PRDM11: variants seen among roughly 807,000 people sequenced by gnomAD.
PRDM11 encodes PR domain-containing protein 11.
PRDM11 carries 20 observed loss-of-function variants against 97.8 expected under a neutral mutation model. The ratio of observed to expected loss-of-function variants is 0.20; its 90% CI spans 0.14 to 0.30. The LOEUF is 0.30. Among genes scored for constraint, PRDM11 ranks in the 10% least tolerant of loss-of-function variants. PRDM11 has a pLI of 1.00. For synonymous variants in PRDM11, 599 were observed against 637.7 expected, an observed-to-expected ratio of 0.94 and a Z score of 0.91; for missense variants, 1,139 against 1,555.2, an observed-to-expected ratio of 0.73 and a Z score of 4.50.
At chr11:45,112,473 C>A (rs114388726) in intron 1 of PRDM11, among the ~76,000 whole-genome samples, 1,713 of 152,300 alleles carry the variant, frequency 0.011, 28 homozygotes, top group African/African-American at 0.04. Context: ...ATTGCTAGAT[C>A]AAATGGTAGT....
Position 45,233,327 on chromosome 11 carries a change from T to G in PRDM11, c.*5168T>G, listed in dbSNP as rs1392036057. 6.6e-6 allele frequency: 1 copy of G among 152,042 alleles called. No homozygotes were observed. Among genetic ancestry groups the G allele is most frequent in the Non-Finnish European group, 1.5e-5 (1 of 68,010 alleles). The allele number at this position is 152,042 out of a possible 1,614,324, so 9.4% of individuals were successfully genotyped here. ...GGAGAGTGGCTGGGTCCCGGCTCGC[T>G]CCATGCACTTTCTCTCCTTTTCCAC... On this transcript the variant is annotated 3_prime_UTR_variant, in exon 8 of 8. Coordinates refer to ENST00000683152, the MANE Select transcript of PRDM11 (RefSeq NM_001384648.1).
chr11:45,147,780 G>A (rs1179756635), intron 1 of PRDM11, among the ~76,000 whole-genome samples: 1 of 152,206 alleles, frequency 6.6e-6, no homozygotes, highest in Admixed American at 6.5e-5. Context: ...GGATTTAGGG[G>A]AGAAAAATGT....
Position 45,228,176 on chromosome 11 carries a change from A to G in PRDM11, c.*17A>G. 1 of 1,492,980 alleles carries G rather than the reference A, an allele frequency of 6.7e-7. No homozygotes were observed. The allele number at this position is 1,492,980 out of a possible 1,614,324, so 92.5% of individuals were successfully genotyped here. ...GACATTTAGGGAGCTGGCGCTGCAG[A>G]GTTCACTAAGCTGTTGAATATTTTT... On this transcript the variant is annotated 3_prime_UTR_variant, in exon 8 of 8. Transcript: ENST00000683152.
chr11:45,137,722 T>C (rs1852902118), intron 1 of PRDM11, among the ~76,000 whole-genome samples: 2 of 152,206 alleles, frequency 1.3e-5, no homozygotes, highest in Admixed American at 6.5e-5. Context: ...CAATCCAGCC[T>C]GGGTGACACA....
At position 45,232,376 on chromosome 11, in the gene PRDM11, A is replaced by G. The variant is rs1029184023; in HGVS notation, c.*4217A>G. On this transcript the variant is annotated 3_prime_UTR_variant, in exon 8 of 8. Coordinates refer to ENST00000683152, the MANE Select transcript of PRDM11 (RefSeq NM_001384648.1). Reference sequence around the variant, plus strand: ...CATTTTCCTTCTACCCCCTCTAGGAATGGGAGTTCTAGACCTAGGTCTGCT... The same window carrying G: ...CATTTTCCTTCTACCCCCTCTAGGAGTGGGAGTTCTAGACCTAGGTCTGCT... The G allele has an allele frequency of 2.6e-5, 4 of 152,234 alleles. No homozygotes were observed. The highest frequency in any genetic ancestry group is 7.2e-5 in the African/African-American group (3 of 41,436). 9.4% of individuals were successfully genotyped at this position (152,234 alleles called of 1,614,324 possible).
At chr11:45,123,170 C>G (rs1421213535) in intron 1 of PRDM11, among the ~76,000 whole-genome samples, 4 of 152,032 alleles carry the variant, frequency 2.6e-5, no homozygotes, top group Non-Finnish European at 4.4e-5. Context: ...CATATCCTCC[C>G]CCCACTTTTT....
At chr11:45,139,897 AAG>A (rs1852963793) in intron 1 of PRDM11, among the ~76,000 whole-genome samples, 1 of 152,146 alleles carries the variant, frequency 6.6e-6, no homozygotes, top group Admixed American at 6.5e-5. Flanking sequence ...AGTTCAGGGA[AAG>A]AGAGAGAAAC....
Position 45,178,908 on chromosome 11 carries a change from G to A in PRDM11, c.-6-2853G>A, listed in dbSNP as rs77274276. On this transcript the variant is annotated intron_variant, in intron 1 of 7. Coordinates refer to ENST00000683152, the MANE Select transcript of PRDM11 (RefSeq NM_001384648.1). ...TCGGGGAGCTTACAGTCTATTAAGG[G>A]AAACAGATATTAATCAAGTAATCCT... 7.4e-3 allele frequency among the ~76,000 whole-genome samples: 1,131 copies of A among 152,302 alleles called. 9 individuals carry two copies. The highest frequency in any genetic ancestry group is 0.026 in the African/African-American group (1,086 of 41,556).
At chr11:45,106,468 T>G (rs1852063630) in intron 1 of PRDM11, among the ~76,000 whole-genome samples, 1 of 152,156 alleles carries the variant, frequency 6.6e-6, no homozygotes, top group South Asian at 2.1e-4. Context: ...ACTGCTATGC[T>G]ACAAACCACC....
chr11:45,208,897 G>A (rs1362083285), intron 5 of PRDM11: 9 of 453,656 alleles, frequency 2.0e-5, no homozygotes, highest in South Asian at 4.7e-5. Context: ...CTGGCTGAGC[G>A]TAAGAGGAAG....
intron 5 of PRDM11, among the ~76,000 whole-genome samples, chr11:45,206,639 G>A (rs140162778): frequency 5.3e-4 from 80 of 152,344 alleles, no homozygotes; most frequent in African/African-American, 1.9e-3. Flanking sequence ...AAAAAGGGGA[G>A]CTATCATCCA....
At chr11:45,154,941 T>G (rs1383820688) in intron 1 of PRDM11, among the ~76,000 whole-genome samples, 1 of 152,060 alleles carries the variant, frequency 6.6e-6, no homozygotes, top group East Asian at 1.9e-4. Flanking sequence ...CCAGAGAGTG[T>G]TGTTGTAGCC....
intron 1 of PRDM11, 126 bp downstream of exon 1, chr11:45,147,003 C>T (rs1467013679): frequency 2.3e-5 from 3 of 132,916 alleles, no homozygotes; most frequent in Non-Finnish European, 3.3e-5. Flanking sequence ...CGGGGGCGGC[C>T]GGGGGTCTCG....
rs1472544891 is a variant in PRDM11, at chr11:45,219,752, C to T, written c.737C>T (p.Ala246Val). Reference sequence around the variant, plus strand: ...CAGGAAACCATTCACCGCAACCTGGCCAGAGGTGAGTGCCATGCTCCACAT... The same window carrying T: ...CAGGAAACCATTCACCGCAACCTGGTCAGAGGTGAGTGCCATGCTCCACAT... ...MSQETIHRNL[A>V]RGEKRLQREK... Residue 246 changes from alanine to valine, a missense_variant, in exon 6 of 8, where the codon GCC becomes GTC. This residue lies in a region of PRDM11 where 429 missense variants were observed against 510.3 expected (regional missense o/e 0.84). Coordinates refer to ENST00000683152, the MANE Select transcript of PRDM11 (RefSeq NM_001384648.1). This position sits in a 1 kb window ranked among gnomAD's most constrained non-coding sequence, Gnocchi z 4.2. The T allele has an allele frequency of 1.9e-6, 3 of 1,612,904 alleles. No individual in the cohort carries two copies.
chr11:45,142,377 C>T (rs760707828), upstream of PRDM11, among the ~76,000 whole-genome samples: 4 of 152,138 alleles, frequency 2.6e-5, no homozygotes, highest in Non-Finnish European at 4.4e-5. Context: ...TGTCCCCTTC[C>T]CAGGAATTCT....
Position 45,181,805 on chromosome 11 carries a change from T to G in PRDM11, c.39T>G (p.Asn13Lys). 1 of 1,613,472 alleles carries G rather than the reference T, an allele frequency of 6.2e-7. No individual in the cohort carries two copies. Among genetic ancestry groups the G allele is most frequent in the Non-Finnish European group, 8.5e-7 (1 of 1,179,886 alleles). ...TGAAGGAGTGCTTGGCCCAGACCAA[T>G]GCAGCCGTGGGGGATATGGTGACGG... is the stretch of plus-strand genomic sequence containing the variant. Reference protein sequence around the residue: ...ENMKECLAQTNAAVGDMVTVV... With the variant: ...ENMKECLAQTKAAVGDMVTVV... Residue 13 changes from asparagine to lysine, a missense_variant, in exon 2 of 8, where the codon AAT becomes AAG. Around this residue, in one of 2 missense-constraint regions of PRDM11, gnomAD observed 429 missense variants for 510.3 expected, o/e 0.84. Coordinates refer to ENST00000683152, the MANE Select transcript of PRDM11 (RefSeq NM_001384648.1).
intron 1 of PRDM11, among the ~76,000 whole-genome samples, chr11:45,155,896 T>C (rs1231803978): frequency 1.2e-4 from 18 of 152,102 alleles, no homozygotes. Flanking sequence ...TGGACGGGCA[T>C]GTTCCATTCA....
rs752696814 is a variant in PRDM11, at chr11:45,181,799, G to A, written c.33G>A (p.Gln11=). The change falls in exon 2 of 8, where the codon CAG becomes CAA. Residue 11 remains glutamine (Q), a synonymous_variant. Coordinates refer to ENST00000683152, the MANE Select transcript of PRDM11 (RefSeq NM_001384648.1). Reference sequence around the variant, plus strand: ...AGAACATGAAGGAGTGCTTGGCCCAGACCAATGCAGCCGTGGGGGATATGG... The same window carrying A: ...AGAACATGAAGGAGTGCTTGGCCCAAACCAATGCAGCCGTGGGGGATATGG... MTENMKECLA[Q]TNAAVGDMVT... is the part of the protein sequence containing the mutation. The A allele has an allele frequency of 1.2e-6, 2 of 1,613,584 alleles. No individual in the cohort carries two copies. The highest frequency in any genetic ancestry group is 2.2e-5 in the South Asian group (2 of 91,076).
At chr11:45,106,586 G>C (rs1852064975) in intron 1 of PRDM11, among the ~76,000 whole-genome samples, 1 of 152,166 alleles carries the variant, frequency 6.6e-6, no homozygotes. Context: ...CATAATGCCT[G>C]AGGCGCCGGC....
Sources: gnomAD v4.1 joint callset for allele counts (sites outside exome capture counted in the v4.1 genomes callset) on GRCh38, gnomAD v4.1.1 for gene constraint, gnomAD v4.1.1 regional missense constraint, Gnocchi (gnomAD v3.1) non-coding constraint, MANE v1.5 for transcripts, NCBI Gene and HGNC (gene_info 2026-07-23, HGNC 2026-07-21) for gene names.